Variants in TRPM3 observed in about 807,000 individuals in gnomAD.
TRPM3 encodes long transient receptor potential channel 3.
TRPM3 carries 77 observed loss-of-function variants against 181.2 expected under a neutral mutation model. The ratio of observed to expected loss-of-function variants is 0.42; its 90% CI spans 0.35 to 0.51. The LOEUF (loss-of-function observed/expected upper bound fraction) is 0.51. Among genes scored for constraint, TRPM3 ranks in the 20% least tolerant of loss-of-function variants. TRPM3 has a pLI of 0.01. For missense variants in TRPM3, 1,759 were observed against 2,196.7 expected (o/e 0.80, Z 3.98); for synonymous variants, 745 against 796.4 (o/e 0.94, Z 1.09).
intron 9 of TRPM3, among the ~76,000 whole-genome samples, chr9:70,646,563 T>C (rs1341403815): frequency 6.6e-6 from 1 of 151,932 alleles, no homozygotes; most frequent in Non-Finnish European, 1.5e-5. Context: ...CGCCAGGGCC[T>C]GTTAGGGGGT....
At chr9:71,227,689 T>C (rs1378026425) in intron 1 of TRPM3, among the ~76,000 whole-genome samples, 4 of 151,956 alleles carry the variant, frequency 2.6e-5, no homozygotes, top group Non-Finnish European at 5.9e-5. Context: ...CAAAGGATCA[T>C]TAGAGACTAC....
intron 1 of TRPM3, among the ~76,000 whole-genome samples, chr9:71,212,918 C>A (rs1404988141): frequency 6.6e-6 from 1 of 152,058 alleles, no homozygotes; most frequent in Non-Finnish European, 1.5e-5. Context: ...AGTTTACAGG[C>A]ATACATTCTG....
At chr9:71,079,729 T>G (rs1390182698) in intron 1 of TRPM3, among the ~76,000 whole-genome samples, 1 of 152,060 alleles carries the variant, frequency 6.6e-6, no homozygotes, top group Non-Finnish European at 1.5e-5. Flanking sequence ...TGTCGGAGAG[T>G]CCAGGGGATG....
chr9:71,415,035 T>C (rs2093615576), intron 1 of TRPM3, among the ~76,000 whole-genome samples: 1 of 152,094 alleles, frequency 6.6e-6, no homozygotes, highest in Non-Finnish European at 1.5e-5. Flanking sequence ...AAGATTTTCC[T>C]GGATTATCTG....
chr9:70,681,462 T>A lies in TRPM3; in HGVS notation c.1345+44A>T, dbSNP rs564526672. 2.4e-5 allele frequency: 36 copies of A among 1,503,310 alleles called. No individual in the cohort carries two copies. In the South Asian group the frequency reaches 3.5e-4, roughly 15 times the overall value. The allele number at this position is 1,503,310 out of a possible 1,614,324, so 93.1% of individuals were successfully genotyped here. On this transcript the variant is annotated intron_variant, in intron 9 of 25. Transcript: ENST00000677713. ...GGAGACATAAGGTCACTGTATTAAT[T>A]CGTTTAAATTATTTTCACACTCTCT...
intron 9 of TRPM3, among the ~76,000 whole-genome samples, chr9:70,651,176 C>T (rs2133787692): frequency 6.6e-6 from 1 of 152,172 alleles, no homozygotes; most frequent in African/African-American, 2.4e-5. Context: ...ATCAAGCAGA[C>T]ACATAAAAAG....
At chr9:70,868,708 C>A (rs757328656) in intron 1 of TRPM3, among the ~76,000 whole-genome samples, 46 of 152,136 alleles carry the variant, frequency 3.0e-4, no homozygotes, top group Non-Finnish European at 5.0e-4. Flanking sequence ...CCACTCAGAC[C>A]AGTATTTGCA....
intron 22 of TRPM3, among the ~76,000 whole-genome samples, chr9:70,569,757 C>G (rs941530126): frequency 6.6e-6 from 1 of 152,200 alleles, no homozygotes; most frequent in Non-Finnish European, 1.5e-5. Context: ...ATACTAATAA[C>G]AATGGCAGGT....
chr9:70,854,882 T>C (rs769077807), intron 3 of TRPM3, among the ~76,000 whole-genome samples: 1 of 152,196 alleles, frequency 6.6e-6, no homozygotes, highest in Non-Finnish European at 1.5e-5. Flanking sequence ...CTTAGTTACC[T>C]TGGAGGCCAG....
intron 1 of TRPM3, among the ~76,000 whole-genome samples, chr9:71,201,279 C>T (rs1027656087): frequency 2.6e-5 from 4 of 152,032 alleles, no homozygotes; most frequent in South Asian, 2.1e-4. Context: ...GTGGGTAACC[C>T]GACCTTTCTC....
intron 1 of TRPM3, among the ~76,000 whole-genome samples, chr9:71,156,356 G>A (rs1334841361): frequency 1.4e-5 from 2 of 138,980 alleles, no homozygotes; most frequent in Admixed American, 7.9e-5. Flanking sequence ...TTGTTCATTA[G>A]GTATTATATA....
chr9:70,763,741 T>C (rs60859076), intron 7 of TRPM3, among the ~76,000 whole-genome samples: 23,247 of 152,124 alleles, frequency 0.15, 2,361 homozygotes, highest in East Asian at 0.39. Flanking sequence ...CAGCCTTCAA[T>C]GAGCTTATGC....
chr9:70,962,249 A>T (rs1799766290), intron 1 of TRPM3, among the ~76,000 whole-genome samples: 1 of 152,136 alleles, frequency 6.6e-6, no homozygotes, highest in Admixed American at 6.6e-5. Context: ...AGAGTGTCAT[A>T]GACTCCCATT....
intron 7 of TRPM3, among the ~76,000 whole-genome samples, chr9:70,778,476 C>T (rs1031910984): frequency 6.6e-6 from 1 of 152,124 alleles, no homozygotes; most frequent in Non-Finnish European, 1.5e-5. Flanking sequence ...AAACAGTTTA[C>T]AAAAATAACC....
At chr9:71,259,057 C>T (rs1424671458) in intron 1 of TRPM3, among the ~76,000 whole-genome samples, 1 of 152,054 alleles carries the variant, frequency 6.6e-6, no homozygotes, top group African/African-American at 2.4e-5. Context: ...CCCCCATCCC[C>T]CGACAGGCCC....
intron 6 of TRPM3, among the ~76,000 whole-genome samples, chr9:70,818,485 T>G (rs750592214): frequency 5.9e-5 from 9 of 152,164 alleles, no homozygotes; most frequent in Admixed American, 2.0e-4. Flanking sequence ...CTCCCCAAAG[T>G]CAGCTAATAA....
intron 1 of TRPM3, among the ~76,000 whole-genome samples, chr9:70,977,379 C>T (rs1480803340): frequency 3.3e-5 from 5 of 152,220 alleles, no homozygotes; most frequent in Non-Finnish European, 7.3e-5. Flanking sequence ...CGTGATCCCC[C>T]GGCATTGGCC....
chr9:71,056,609 G>T (rs867316238), intron 1 of TRPM3, among the ~76,000 whole-genome samples: 2 of 151,960 alleles, frequency 1.3e-5, no homozygotes, highest in Non-Finnish European at 2.9e-5. Flanking sequence ...TTAAAATTAA[G>T]TCTTCAGTGT....
rs555240868 is a variant in TRPM3 at position 70,844,264 on chromosome 9, T to C, written c.677-1137A>G. ...AGACATGTGTATTTAAGTAACTCAA[T>C]ACTGAAATATTCATAAGATGAAACA... is the stretch of plus-strand genomic sequence containing the variant. On this transcript the variant is annotated intron_variant, in intron 4 of 25. Coordinates refer to ENST00000677713, the MANE Select transcript of TRPM3 (RefSeq NM_001366145.2). Among the ~76,000 whole-genome samples the C allele has an allele frequency of 1.7e-4, 26 of 152,304 alleles. No individual in the cohort carries two copies. In the South Asian group the frequency reaches 4.8e-3, roughly 28 times the overall value.
Sources: gnomAD v4.1 joint callset for allele counts (sites outside exome capture counted in the v4.1 genomes callset) on GRCh38, gnomAD v4.1.1 for gene constraint, MANE v1.5 for transcripts, NCBI Gene and HGNC (gene_info 2026-07-23, HGNC 2026-07-21) for gene names.